TMEM38B: variants seen among roughly 807,000 people sequenced by gnomAD.
TMEM38B encodes the protein trimeric intracellular cation channel type B.
In TMEM38B, 24 loss-of-function variants were observed where a neutral mutation model predicts 28.7. That is an observed-to-expected ratio of 0.84 (90% CI 0.61 to 1.18). The LOEUF is 1.18. Ranked by LOEUF, TMEM38B falls within the 50% of genes most tolerant of loss-of-function variation. The pLI is 0.00. For missense variants in TMEM38B, 380 were observed against 350.9 expected (o/e 1.08, Z -0.66); for synonymous variants, 131 against 127.7 (o/e 1.03, Z -0.17).
intron 2 of TMEM38B, among the ~76,000 whole-genome samples, chr9:105,714,097 C>T (rs1416780500): frequency 1.6e-5 from 2 of 128,010 alleles, no homozygotes; most frequent in East Asian, 3.3e-4. Flanking sequence ...TGTTGAGAGC[C>T]GAGCACTTGT....
At chr9:105,707,756 T>G (rs1835729445) in intron 2 of TMEM38B, among the ~76,000 whole-genome samples, 1 of 152,210 alleles carries the variant, frequency 6.6e-6, no homozygotes, top group African/African-American at 2.4e-5. Flanking sequence ...GTCTAGTAAG[T>G]GGTTGAGCTA....
intron 1 of TMEM38B, chr9:105,701,244 A>G (rs1835451840): frequency 6.6e-6 from 1 of 152,076 alleles, no homozygotes; most frequent in Non-Finnish European, 1.5e-5. Flanking sequence ...TGAACTTCCT[A>G]CTTTCTGGTT....
At chr9:105,754,491 A>G (rs2133628841) in intron 5 of TMEM38B, among the ~76,000 whole-genome samples, 1 of 152,316 alleles carries the variant, frequency 6.6e-6, no homozygotes, top group Admixed American at 6.5e-5. Flanking sequence ...AAACCAGACA[A>G]CTTCATGGAA....
At chr9:105,696,392 G>GA (rs1459678571) in intron 1 of TMEM38B, among the ~76,000 whole-genome samples, 1 of 152,136 alleles carries the variant, frequency 6.6e-6, no homozygotes, top group Admixed American at 6.6e-5. Context: ...GGGTTTAAGC[G>GA]ATTCTCCTGC....
At chr9:105,762,257 T>G (rs537188579) in intron 5 of TMEM38B, among the ~76,000 whole-genome samples, 4 of 151,970 alleles carry the variant, frequency 2.6e-5, no homozygotes, top group Admixed American at 1.3e-4. Flanking sequence ...ATTTTTTTTT[T>G]AAATTTATTA....
At chr9:105,744,867 T>C (rs1430390355) in intron 4 of TMEM38B, among the ~76,000 whole-genome samples, 2 of 152,192 alleles carry the variant, frequency 1.3e-5, no homozygotes, top group Non-Finnish European at 2.9e-5. Flanking sequence ...GATAGTTTGC[T>C]GAGAATGATG....
At chr9:105,724,645 G>C (rs913975996) in intron 4 of TMEM38B, among the ~76,000 whole-genome samples, 37 of 151,700 alleles carry the variant, frequency 2.4e-4, no homozygotes, top group South Asian at 2.1e-4. Flanking sequence ...AAAGAAGAAG[G>C]TGGAAAGGCA....
At chr9:105,758,436 A>G in intron 5 of TMEM38B, 1 of 1,390,786 alleles carries the variant, frequency 7.2e-7, no homozygotes, top group Non-Finnish European at 1.0e-6. Flanking sequence ...ACAACACTTT[A>G]AAAAATATGG....
chr9:105,708,936 G>T (rs987079679), intron 2 of TMEM38B, among the ~76,000 whole-genome samples: 2 of 147,904 alleles, frequency 1.4e-5, no homozygotes, highest in African/African-American at 5.0e-5. Flanking sequence ...CCTGGCTAAT[G>T]TTTAAAATTT....
intron 2 of TMEM38B, among the ~76,000 whole-genome samples, chr9:105,712,999 C>G (rs1369195555): frequency 1.3e-5 from 2 of 152,232 alleles, no homozygotes; most frequent in East Asian, 3.9e-4. Context: ...AGCCCCCACC[C>G]TAGGCTGTGA....
intron 5 of TMEM38B, chr9:105,759,410 G>A (rs1002698512): frequency 1.5e-4 from 237 of 1,544,890 alleles, no homozygotes; most frequent in Non-Finnish European, 1.9e-4. Flanking sequence ...GAGAGACTAC[G>A]GATAAGCAAT....
chr9:105,721,755 G>T (rs750490072), intron 3 of TMEM38B, 34 bp downstream of exon 3: 1 of 1,505,466 alleles, frequency 6.6e-7, no homozygotes, highest in Non-Finnish European at 9.1e-7. Flanking sequence ...TAAATATTCT[G>T]TTGTTGGTGT....
At chr9:105,769,560 C>T (rs560013351) in intron 5 of TMEM38B, among the ~76,000 whole-genome samples, 3 of 152,208 alleles carry the variant, frequency 2.0e-5, no homozygotes, top group South Asian at 2.1e-4. Context: ...GCAACCTTCC[C>T]GCAAACGAAA....
chr9:105,773,254 T>C (rs1285335883), intron 5 of TMEM38B, among the ~76,000 whole-genome samples: 8 of 152,172 alleles, frequency 5.3e-5, no homozygotes, highest in African/African-American at 9.7e-5. Context: ...TTGGTTCCTT[T>C]ATATAAAAAT....
chr9:105,726,220 T>G (rs1836506626), intron 4 of TMEM38B, among the ~76,000 whole-genome samples: 1 of 152,180 alleles, frequency 6.6e-6, no homozygotes, highest in Non-Finnish European at 1.5e-5. Context: ...TACCAAATAC[T>G]AGATCTTATT....
At chr9:105,765,955 C>T (rs1564418848) in intron 5 of TMEM38B, among the ~76,000 whole-genome samples, 1 of 152,070 alleles carries the variant, frequency 6.6e-6, no homozygotes. Flanking sequence ...GTGTATGCCA[C>T]CACGCCTGGC....
rs574438116 is a variant in TMEM38B, at chr9:105,738,154, T to G, written c.543-9919T>G. ...GATGAGGGAGGTGTAGGATTCTTCC[T>G]TGGGGTGAACACAGCCGTATGGACT... is the stretch of plus-strand genomic sequence containing the variant. On this transcript the variant is annotated intron_variant, in intron 4 of 5. Coordinates refer to ENST00000374692, the MANE Select transcript of TMEM38B (RefSeq NM_018112.3). Among the ~76,000 whole-genome samples, 31 of 152,158 alleles carry G rather than the reference T, an allele frequency of 2.0e-4. 1 individual carries two copies. The South Asian group carries it at 6.0e-3, about 30-fold the overall frequency.
chr9:105,740,293 C>G (rs1339613326), intron 4 of TMEM38B, among the ~76,000 whole-genome samples: 4 of 133,896 alleles, frequency 3.0e-5, no homozygotes, highest in African/African-American at 1.1e-4. Flanking sequence ...CAGGGTCTTG[C>G]TCTGTTGCCC....
chr9:105,709,289 C>T (rs1835805676), intron 2 of TMEM38B, among the ~76,000 whole-genome samples: 1 of 151,938 alleles, frequency 6.6e-6, no homozygotes. Flanking sequence ...AGTCACTGCA[C>T]AATAAATCAG....
Sources: allele counts gnomAD v4.1 joint callset (sites outside exome capture counted in the v4.1 genomes callset), GRCh38; gene constraint gnomAD v4.1.1; transcripts MANE v1.5; gene names NCBI Gene and HGNC (gene_info 2026-07-23, HGNC 2026-07-21).